Variants in DLK1 observed in about 807,000 individuals in gnomAD.
DLK1 encodes the protein protein delta homolog 1.
In DLK1, 9 loss-of-function variants were observed where a neutral mutation model predicts 35.2. The observed-to-expected ratio is 0.26, with a 90% CI of 0.15 to 0.45. The LOEUF is 0.45. Ranked by LOEUF, DLK1 falls within the 20% of genes least tolerant of loss-of-function variation. The pLI is 1.00. For synonymous variants in DLK1, 231 were observed against 228.4 expected (o/e 1.01, Z -0.10); for missense variants, 522 against 528.5 (o/e 0.99, Z 0.12).
At chr14:100,729,337 TAA>T in intron 3 of DLK1, 1 of 648,068 alleles carries the variant, frequency 1.5e-6, no homozygotes, top group Non-Finnish European at 2.8e-6. Context: ...GCCTGTTGAA[TAA>T]AGAGTCACAA....
chr14:100,729,272 C>G, intron 3 of DLK1: 1 of 871,626 alleles, frequency 1.1e-6, no homozygotes. Flanking sequence ...TTGCTCTTCT[C>G]TGCGCCATCA....
chr14:100,734,099 G>A lies in DLK1; in HGVS notation c.405-50G>A. 2.6e-6 allele frequency: 4 copies of A among 1,548,302 alleles called. No homozygotes were observed. Among genetic ancestry groups the A allele is most frequent in the Non-Finnish European group, 1.7e-6 (2 of 1,148,782 alleles). The stretch of plus-strand genomic sequence containing the variant: ...CCTGAGCCCCGTGCCCTGCAGCGCT[G>A]TTGTAGCCTAGCCCCTGAGGCCGTT... On this transcript the variant is annotated intron_variant, in intron 4 of 4. Coordinates refer to ENST00000341267, the MANE Select transcript of DLK1 (RefSeq NM_003836.7). This position sits in a 1 kb window ranked among gnomAD's most constrained non-coding sequence, Gnocchi z 7.4.
In DLK1 at chr14:100,730,389, C is replaced by T. The variant is rs76830580; in HGVS notation, c.262+1323C>T. Among the ~76,000 whole-genome samples the T allele has an allele frequency of 2.1e-3, 326 of 152,286 alleles. 8 individuals carry two copies. The East Asian group carries it at 0.041, about 19-fold the overall frequency. On this transcript the variant is annotated intron_variant, in intron 3 of 4. Coordinates refer to ENST00000341267, the MANE Select transcript of DLK1 (RefSeq NM_003836.7). Reference sequence around the variant, plus strand: ...GACAAATGCCTCCCTTCTCATGGGCCCTTGGTATGTCCCCTCCCCACCAAG... The same window carrying T: ...GACAAATGCCTCCCTTCTCATGGGCTCTTGGTATGTCCCCTCCCCACCAAG...
chr14:100,728,420 A>C lies in DLK1; in HGVS notation c.92A>C (p.Asn31Thr), dbSNP rs746357653. Residue 31 changes from asparagine to threonine, a missense_variant, in exon 2 of 5, where the codon AAC (asparagine) becomes ACC (threonine). Physicochemically the swap from Asn to Thr is moderately conservative, Grantham distance 65. Transcript: ENST00000341267. ...GGGGCTGAATGCTTCCCGGCCTGCA[A>C]CCCCCAAAATGGATTCTGCGAGGAT... Reference protein sequence around the residue: ...TYGAECFPACNPQNGFCEDDN... With the variant: ...TYGAECFPACTPQNGFCEDDN... The C allele has an allele frequency of 6.2e-7, 1 of 1,613,494 alleles. No individual in the cohort carries two copies. Among genetic ancestry groups the C allele is most frequent in the Admixed American group, 1.7e-5 (1 of 59,964 alleles).
chr14:100,730,917 A>AG (rs1199627369), intron 3 of DLK1, among the ~76,000 whole-genome samples: 1 of 152,016 alleles, frequency 6.6e-6, no homozygotes, highest in Non-Finnish European at 1.5e-5. Flanking sequence ...TCTCTCTGAG[A>AG]GGGGGAAAAA....
At position 100,727,115 on chromosome 14, in the gene DLK1, C is replaced by T. The variant is rs751386263; in HGVS notation, c.47C>T (p.Ala16Val). ...CTGCGCGTCCTCTTGCTCCTGCTGG[C>T]TTTCGGCCACAGCACCTATGGTGAG... ...ALLRVLLLLL[A>V]FGHSTYGAEC... The change falls in exon 1 of 5, where the codon GCT becomes GTT. Residue 16 changes from alanine to valine, a missense_variant. Ala to Val is a moderately conservative substitution (Grantham distance 64). Transcript: ENST00000341267. 5.0e-6 allele frequency: 8 copies of T among 1,594,640 alleles called. No individual in the cohort carries two copies. In the African/African-American group the frequency reaches 1.1e-4, roughly 22 times the overall value.
At chr14:100,728,320 C>A in intron 1 of DLK1, 76 bp from the exon 2 acceptor site, 1 of 1,539,430 alleles carries the variant, frequency 6.5e-7, no homozygotes, top group Non-Finnish European at 9.0e-7. Flanking sequence ...CAGTGGTGGG[C>A]TGTGTGGGCG....
chr14:100,729,336 A>G, intron 3 of DLK1: 1 of 648,232 alleles, frequency 1.5e-6, no homozygotes, highest in Non-Finnish European at 2.8e-6. Context: ...TGCCTGTTGA[A>G]TAAAGAGTCA....
chr14:100,732,100 C>T lies in DLK1; in HGVS notation c.321C>T (p.Asp107=), dbSNP rs374648857. The change falls in exon 4 of 5, where the codon GAC becomes GAT. Residue 107 remains aspartate, a synonymous_variant. Transcript: ENST00000341267. ...CANNRTCVSL[D]DGLYECSCAP... is the part of the protein sequence containing the mutation. ...ACAACAGGACCTGCGTGAGCCTGGA[C>T]GATGGCCTCTATGAATGCTCCTGTG... The T allele has an allele frequency of 6.2e-6, 10 of 1,613,852 alleles. No individual in the cohort carries two copies. The African/African-American group carries it at 6.7e-5, about 11-fold the overall frequency.
chr14:100,734,287 C>G lies in DLK1; in HGVS notation c.543C>G (p.Asn181Lys). The change falls in exon 5 of 5, where the codon AAC becomes AAG. Residue 181 changes from asparagine (N) to lysine (K), a missense_variant. Asn to Lys is a moderately conservative substitution (Grantham distance 94, BLOSUM62 0). Transcript: ENST00000341267. The surrounding 1 kb of genome is among the most constrained non-coding windows in gnomAD (Gnocchi z 7.4). ...GCTGCACCCCCAACCCATGCGAGAA[C>G]GACGGCGTCTGCACTGACATTGGGG... ...ANSCTPNPCE[N>K]DGVCTDIGGD... 6.2e-7 allele frequency: 1 copy of G among 1,613,470 alleles called. No individual in the cohort carries two copies. Among genetic ancestry groups the G allele is most frequent in the Non-Finnish European group, 8.5e-7 (1 of 1,180,010 alleles).
At chr14:100,728,731 G>T (rs2036470214) in intron 2 of DLK1, 2 of 773,532 alleles carry the variant, frequency 2.6e-6, no homozygotes, top group Non-Finnish European at 4.2e-6. Context: ...GGGATCTCGG[G>T]GCCCCTCCAA....
chr14:100,732,025 T>A lies in DLK1; in HGVS notation c.263-17T>A. 2.5e-6 allele frequency: 4 copies of A among 1,603,070 alleles called. No homozygotes were observed. In the South Asian group the frequency reaches 4.5e-5, roughly 18 times the overall value. ...TGGAGAGGAAGCTAAGTTCTCGTCT[T>A]CCCCGTCACCCCGCAGATGTTCGGG... On this transcript the variant is annotated splice_polypyrimidine_tract_variant and intron_variant, in intron 3 of 4. Transcript: ENST00000341267.
intron 4 of DLK1, among the ~76,000 whole-genome samples, 186 bp from the exon 5 acceptor site, chr14:100,733,963 C>A (rs1040534808): frequency 2.9e-5 from 4 of 137,714 alleles, no homozygotes; most frequent in African/African-American, 1.1e-4. Context: ...ACAGGGGTCA[C>A]GGCCCCGGGC....
intron 1 of DLK1, 152 bp from the exon 2 acceptor site, chr14:100,728,244 G>A (rs1228027057): frequency 2.8e-6 from 2 of 720,894 alleles, no homozygotes; most frequent in South Asian, 1.6e-5. Context: ...ATCCATGCTC[G>A]GATAGGAAGT....
chr14:100,735,702 G>A lies in DLK1; in HGVS notation c.*806G>A, dbSNP rs1360572658. 6.6e-6 allele frequency: 1 copy of A among 152,224 alleles called. No homozygotes were observed. The highest frequency in any genetic ancestry group is 2.4e-5 in the African/African-American group (1 of 41,454). 9.4% of individuals were successfully genotyped at this position (152,224 alleles called of 1,614,324 possible). Reference sequence around the variant, plus strand: ...AAGACGAATTCTCATCCTGGGATCCGAAAGGTTTTGGCCTATCCTGGATGA... The same window carrying A: ...AAGACGAATTCTCATCCTGGGATCCAAAAGGTTTTGGCCTATCCTGGATGA... On this transcript the variant is annotated 3_prime_UTR_variant, in exon 5 of 5. Transcript: ENST00000341267.
Position 100,734,706 on chromosome 14 carries a change from C to G in DLK1, c.962C>G (p.Thr321Ser). 2 of 1,614,120 alleles carry G rather than the reference C, an allele frequency of 1.2e-6. No individual in the cohort carries two copies. The highest frequency in any genetic ancestry group is 1.7e-6 in the Non-Finnish European group (2 of 1,180,040). Reference protein sequence around the residue: ...GVLTSLVVLGTVGIVFLNKCE... With the variant: ...GVLTSLVVLGSVGIVFLNKCE... ...CTCACCAGCCTGGTGGTGCTGGGCA[C>G]TGTGGGTATCGTCTTCCTCAACAAG... The change falls in exon 5 of 5, where the codon ACT (threonine) becomes AGT (serine). Residue 321 changes from threonine to serine, a missense_variant. Physicochemically the swap from Thr to Ser is moderately conservative, Grantham distance 58 (BLOSUM62 1). Transcript: ENST00000341267. This position sits in a 1 kb window ranked among gnomAD's most constrained non-coding sequence, Gnocchi z 7.4.
At chr14:100,733,397 G>A (rs2036531380) in intron 4 of DLK1, among the ~76,000 whole-genome samples, 1 of 152,130 alleles carries the variant, frequency 6.6e-6, no homozygotes, top group African/African-American at 2.4e-5. Context: ...AATGCTCCTT[G>A]TACTCCACTT....
chr14:100,733,258 C>G (rs2036529989), intron 4 of DLK1, among the ~76,000 whole-genome samples: 2 of 152,206 alleles, frequency 1.3e-5, no homozygotes, highest in South Asian at 2.1e-4. Context: ...TCCTTCAGAG[C>G]CCAGCTCCCA....
chr14:100,733,949 G>A (rs1002883451), intron 4 of DLK1, among the ~76,000 whole-genome samples, 200 bp from the exon 5 acceptor site: 2 of 128,422 alleles, frequency 1.6e-5, no homozygotes, highest in Admixed American at 1.1e-4. Flanking sequence ...TGAGCTTCTC[G>A]CAGACAGGGG....
Sources: allele counts gnomAD v4.1 joint callset (sites outside exome capture counted in the v4.1 genomes callset), GRCh38; gene constraint gnomAD v4.1.1; non-coding constraint Gnocchi (gnomAD v3.1); transcripts MANE v1.5; gene names NCBI Gene and HGNC (gene_info 2026-07-23, HGNC 2026-07-21).